Variants in DIAPH1 observed in about 807,000 individuals in gnomAD.
The protein encoded by DIAPH1 is diaphanous related formin 1, also known as protein diaphanous homolog 1.
In DIAPH1, 46 loss-of-function variants were observed where a neutral mutation model predicts 140.7. The ratio of observed to expected loss-of-function variants is 0.33; its 90% confidence interval spans 0.26 to 0.42. DIAPH1 has a LOEUF of 0.42. DIAPH1 is among the 10% of genes least tolerant of loss of function. DIAPH1 has a pLI of 1.00. For missense variants in DIAPH1, 1,310 were observed against 1,558.7 expected (o/e 0.84, Z 2.69); for synonymous variants, 565 against 551.6 (o/e 1.02, Z -0.34).
intron 21 of DIAPH1, 97 bp from the exon 22 acceptor site, chr5:141,529,038 G>T (rs2099887822): frequency 1.3e-6 from 2 of 1,589,918 alleles, no homozygotes; most frequent in Non-Finnish European, 1.7e-6. Context: ...CACAGCTCCA[G>T]AGCAGGGAGA....
chr5:141,592,657 T>C (rs998064286), intron 1 of DIAPH1, among the ~76,000 whole-genome samples: 2 of 152,200 alleles, frequency 1.3e-5, no homozygotes, highest in East Asian at 3.9e-4. Flanking sequence ...ATCATTCTCC[T>C]TGTTTGCTGT....
Position 141,588,324 on chromosome 5 carries a change from G to C in DIAPH1, c.118-74C>G, listed in dbSNP as rs181034628. 5.4e-6 allele frequency: 6 copies of C among 1,109,520 alleles called. No individual in the cohort carries two copies. In the East Asian group the frequency reaches 1.4e-4, roughly 26 times the overall value. 68.7% of individuals were successfully genotyped at this position (1,109,520 alleles called of 1,614,324 possible). On this transcript the variant is annotated intron_variant, in intron 1 of 27. Coordinates refer to ENST00000389054, the MANE Select transcript of DIAPH1 (RefSeq NM_005219.5). ...GTACAAGGAAACCTCCCAAACACCA[G>C]ACGGGTTGGGGAAAAGAGGGAGAGA... is the stretch of plus-strand genomic sequence containing the variant.
Position 141,583,306 on chromosome 5 carries a change from A to G in DIAPH1, c.534-14T>C. 1 of 1,613,640 alleles carries G rather than the reference A, an allele frequency of 6.2e-7. No individual in the cohort carries two copies. Among genetic ancestry groups the G allele is most frequent in the South Asian group, 1.1e-5 (1 of 91,074 alleles). ...GTTTGCACCCAACTGTAAGGAACAGAGAGAGGCAATGCAATATCAAACCAA... is the reference window on the plus strand; with the variant it reads ...GTTTGCACCCAACTGTAAGGAACAGGGAGAGGCAATGCAATATCAAACCAA... On this transcript the variant is annotated splice_polypyrimidine_tract_variant and intron_variant, in intron 5 of 27. Coordinates refer to ENST00000389054, the MANE Select transcript of DIAPH1 (RefSeq NM_005219.5).
chr5:141,549,252 G>T (rs1426715891), intron 18 of DIAPH1, among the ~76,000 whole-genome samples: 1 of 152,116 alleles, frequency 6.6e-6, no homozygotes, highest in Non-Finnish European at 1.5e-5. Flanking sequence ...GAAAACTGGT[G>T]TAGCTATACT....
chr5:141,580,131 A>G (rs2099896532), intron 8 of DIAPH1, among the ~76,000 whole-genome samples: 1 of 152,200 alleles, frequency 6.6e-6, no homozygotes, highest in Non-Finnish European at 1.5e-5. Context: ...AACAGGTTGA[A>G]AAGAATGATT....
intron 18 of DIAPH1, among the ~76,000 whole-genome samples, chr5:141,552,483 AT>A (rs1256939530): frequency 6.6e-6 from 1 of 152,222 alleles, no homozygotes; most frequent in East Asian, 1.9e-4. Flanking sequence ...GGAAGGGACC[AT>A]AAGCCAAGGA....
intron 18 of DIAPH1, among the ~76,000 whole-genome samples, chr5:141,567,064 G>A (rs561929160): frequency 1.3e-5 from 2 of 152,274 alleles, no homozygotes; most frequent in East Asian, 1.9e-4. Context: ...GAGCTTAGGT[G>A]GGATGGGAGG....
chr5:141,534,345 G>C lies in DIAPH1; in HGVS notation c.2571C>G (p.Ala857=). Reference sequence around the variant, plus strand: ...CCAAGAGATACTCACAGAGATTCTGGGCTGTCTTTGAATCCAACACCTTTA... The same window carrying C: ...CCAAGAGATACTCACAGAGATTCTGCGCTGTCTTTGAATCCAACACCTTTA... ...KELKVLDSKT[A]QNLSIFLGSF... Residue 857 remains alanine, a synonymous_variant, in exon 19 of 28, where the codon GCC becomes GCG. Coordinates refer to ENST00000389054, the MANE Select transcript of DIAPH1 (RefSeq NM_005219.5). 6.2e-7 allele frequency: 1 copy of C among 1,612,206 alleles called. No individual in the cohort carries two copies. The highest frequency in any genetic ancestry group is 8.5e-7 in the Non-Finnish European group (1 of 1,178,614).
intron 1 of DIAPH1, among the ~76,000 whole-genome samples, chr5:141,589,559 CAT>C (rs143772082): frequency 7.8e-4 from 110 of 140,778 alleles, no homozygotes; most frequent in African/African-American, 2.8e-3. Context: ...AGTTCAAAAA[CAT>C]GTAACACTGT....
chr5:141,583,923 C>T (rs998757213), intron 4 of DIAPH1, among the ~76,000 whole-genome samples: 1 of 152,128 alleles, frequency 6.6e-6, no homozygotes, highest in Non-Finnish European at 1.5e-5. Context: ...CCTATATTTA[C>T]ATACTTCATG....
chr5:141,529,514 G>A, intron 20 of DIAPH1, 89 bp downstream of exon 20: 1 of 1,126,180 alleles, frequency 8.9e-7, no homozygotes, highest in East Asian at 2.3e-5. Flanking sequence ...AGCAATGCTG[G>A]AGGAGGATCC....
intron 12 of DIAPH1, among the ~76,000 whole-genome samples, chr5:141,577,149 A>T (rs1460460264): frequency 6.6e-6 from 1 of 152,200 alleles, no homozygotes; most frequent in Non-Finnish European, 1.5e-5. Context: ...TGTGATGGAT[A>T]GTGCTATTGC....
chr5:141,587,021 T>C (rs1245213427), intron 3 of DIAPH1, 21 bp downstream of exon 3: 2 of 1,613,770 alleles, frequency 1.2e-6, no homozygotes, highest in Middle Eastern at 1.6e-4. Flanking sequence ...AGAAGCAACA[T>C]TTTGGGAATG....
At chr5:141,578,007 C>T (rs1468818849) in intron 11 of DIAPH1, 3 of 614,970 alleles carry the variant, frequency 4.9e-6, no homozygotes, top group Non-Finnish European at 8.8e-6. Flanking sequence ...GGCTTCCATG[C>T]TCAACAACCC....
chr5:141,600,541 C>G (rs1380001633), intron 1 of DIAPH1, among the ~76,000 whole-genome samples: 1 of 152,216 alleles, frequency 6.6e-6, no homozygotes, highest in African/African-American at 2.4e-5. Context: ...GGAAAAGGCT[C>G]ATGAGTCCTG....
rs142206544 is a variant in DIAPH1 at position 141,607,580 on chromosome 5, T to C, written c.117+11218A>G. Among the ~76,000 whole-genome samples, 395 of 152,334 alleles carry C rather than the reference T, an allele frequency of 2.6e-3. 3 individuals are homozygous for C. The highest frequency in any genetic ancestry group is 0.023 in the South Asian group (111 of 4,828). ...TTACAACCTGTTACAAAATGTTAAATTTCAATCCTGCTTTCTGCAGGTTTT... is the reference window on the plus strand; with the variant it reads ...TTACAACCTGTTACAAAATGTTAAACTTCAATCCTGCTTTCTGCAGGTTTT... On this transcript the variant is annotated intron_variant, in intron 1 of 27. Transcript: ENST00000389054.
rs1349718183 is a variant in DIAPH1 at position 141,526,020 on chromosome 5, C to T, written c.3574+18G>A. 6.2e-7 allele frequency: 1 copy of T among 1,613,684 alleles called. No homozygotes were observed. Among genetic ancestry groups the T allele is most frequent in the Non-Finnish European group, 8.5e-7 (1 of 1,179,980 alleles). On this transcript the variant is annotated intron_variant, in intron 26 of 27. Coordinates refer to ENST00000389054, the MANE Select transcript of DIAPH1 (RefSeq NM_005219.5). ...CAACATTCCTATCTCAGCCCATCAA[C>T]CCGTCTTCACTCCTCACCTGCATTC...
rs753959779 is a variant in DIAPH1 at position 141,528,912 on chromosome 5, G to A, written c.2808C>T (p.Arg936=). 1.2e-6 allele frequency: 2 copies of A among 1,614,020 alleles called. No individual in the cohort carries two copies. The highest frequency in any genetic ancestry group is 4.5e-5 in the East Asian group (2 of 44,886). Residue 936 remains arginine, a synonymous_variant, in exon 22 of 28, where the codon CGC becomes CGT. Transcript: ENST00000389054. ...GTAGCTTGAAGAGAATGGCATTGAG[G>A]CGAGGCCGCAGTCGGGGCACAGTGC... is the stretch of plus-strand genomic sequence containing the variant. ...VMGTVPRLRP[R]LNAILFKLQF...
At chr5:141,583,418 T>C (rs2099897070) in intron 5 of DIAPH1, 67 bp downstream of exon 5, 1 of 1,612,878 alleles carries the variant, frequency 6.2e-7, no homozygotes, top group African/African-American at 1.3e-5. Context: ...GCTCCTTTGA[T>C]CTTCAATCAC....
Sources: gnomAD v4.1 joint callset for allele counts (sites outside exome capture counted in the v4.1 genomes callset) on GRCh38, gnomAD v4.1.1 for gene constraint, MANE v1.5 for transcripts, NCBI Gene and HGNC (gene_info 2026-07-23, HGNC 2026-07-21) for gene names.